Variants in SH3BGRL3 observed in about 807,000 individuals in gnomAD.
SH3BGRL3 encodes the protein SH3 domain binding glutamate rich protein like 3.
In SH3BGRL3, 8 loss-of-function variants were observed where a neutral mutation model predicts 11.9. The observed-to-expected ratio is 0.67, with a 90% CI of 0.40 to 1.22. The LOEUF is 1.22. SH3BGRL3 is among the 50% of genes most tolerant of loss of function. The pLI, the probability that SH3BGRL3 is intolerant of heterozygous loss-of-function variation, is 0.01. For missense variants in SH3BGRL3, 119 were observed against 120.1 expected, an observed-to-expected ratio of 0.99 and a Z score of 0.04; for synonymous variants, 55 against 52.3, an observed-to-expected ratio of 1.05 and a Z score of -0.22.
chr1:26,280,912 A>G lies in SH3BGRL3; in HGVS notation c.196A>G (p.Asn66Asp). 6.2e-7 allele frequency: 1 copy of G among 1,609,378 alleles called. No homozygotes were observed. Residue 66 changes from asparagine to aspartate, a missense_variant, in exon 2 of 3, where the codon AAC becomes GAC. Asn to Asp is a conservative substitution (Grantham distance 23). Transcript: ENST00000270792. ...CAAGGCCACCCCACCCCAGATTGTC[A>G]ACGGGGACCAGTACTGTGGGGTATG... ...NPKATPPQIVNGDQYCGDYEL... is the reference protein window; with the variant it reads ...NPKATPPQIVDGDQYCGDYEL...
Position 26,281,218 on chromosome 1 carries a change from C to A in SH3BGRL3, c.*95C>A. The A allele has an allele frequency of 8.2e-7, 1 of 1,218,612 alleles. No individual in the cohort carries two copies. The highest frequency in any genetic ancestry group is 1.2e-6 in the Non-Finnish European group (1 of 859,050). 75.5% of individuals were successfully genotyped at this position (1,218,612 alleles called of 1,614,324 possible). A position where few individuals can be genotyped will look rare whatever the true frequency, so the allele number is the denominator to read the frequency against. ...AAGGACCTTTTGACCAACTCCCTGTCATTCCTAACCTAACCTTAGAGTCCC... is the reference window on the plus strand; with the variant it reads ...AAGGACCTTTTGACCAACTCCCTGTAATTCCTAACCTAACCTTAGAGTCCC... On this transcript the variant is annotated 3_prime_UTR_variant, in exon 3 of 3. Transcript: ENST00000270792.
At chr1:26,280,316 G>A in intron 1 of SH3BGRL3, 113 bp downstream of exon 1, 1 of 1,234,224 alleles carries the variant, frequency 8.1e-7, no homozygotes, top group Non-Finnish European at 1.1e-6. Context: ...GGGGGAGTGC[G>A]TCGGCGAGGT....
At chr1:26,280,690 C>CT in intron 1 of SH3BGRL3, 75 bp from the exon 2 acceptor site, 2 of 1,561,948 alleles carry the variant, frequency 1.3e-6, no homozygotes. Context: ...GTCACAGCCT[C>CT]TCTCACCCTG....
In SH3BGRL3 at chr1:26,280,340, TCCCGGA is replaced by T. The variant is rs2072956624; in HGVS notation, c.48+143_48+148del. 4 of 1,081,660 alleles carry T rather than the reference TCCCGGA, an allele frequency of 3.7e-6. No homozygotes were observed. The African/African-American group carries it at 6.7e-5, about 18-fold the overall frequency. 67.0% of individuals were successfully genotyped at this position (1,081,660 alleles called of 1,614,324 possible). The stretch of plus-strand genomic sequence containing the variant: ...CGTCGGCGAGGTGCTGGGCACGGTC[TCCCGGA>T]CCCGGTCCCGAGGCCCCATCCTGAA... On this transcript the variant is annotated intron_variant, in intron 1 of 2. Coordinates refer to ENST00000270792, the MANE Select transcript of SH3BGRL3 (RefSeq NM_031286.4).
Position 26,281,128 on chromosome 1 carries a change from A to G in SH3BGRL3, c.*5A>G. On this transcript the variant is annotated 3_prime_UTR_variant, in exon 3 of 3. Coordinates refer to ENST00000270792, the MANE Select transcript of SH3BGRL3 (RefSeq NM_031286.4). Reference sequence around the variant, plus strand: ...GAGTTCCTGAAGCTGGCTTGAGTCAAGCCTGTCCAGAGTTCCCCTGCTGGA... The same window carrying G: ...GAGTTCCTGAAGCTGGCTTGAGTCAGGCCTGTCCAGAGTTCCCCTGCTGGA... 6.2e-7 allele frequency: 1 copy of G among 1,613,436 alleles called. No individual in the cohort carries two copies. Among genetic ancestry groups the G allele is most frequent in the Middle Eastern group, 1.7e-4 (1 of 6,058 alleles).
chr1:26,280,558 C>T (rs1363415709), intron 1 of SH3BGRL3, among the ~76,000 whole-genome samples: 6 of 151,512 alleles, frequency 4.0e-5, no homozygotes, highest in African/African-American at 1.5e-4. Context: ...CTGACCCCCT[C>T]CCCCGTGGCT....
chr1:26,280,459 A>C (rs2072961317), intron 1 of SH3BGRL3, among the ~76,000 whole-genome samples: 1 of 150,154 alleles, frequency 6.7e-6, no homozygotes, highest in African/African-American at 2.5e-5. Flanking sequence ...CATTCTCTGC[A>C]CTCCCACTAC....
At position 26,281,464 on chromosome 1, in the gene SH3BGRL3, G is replaced by T. The variant is rs144748018; in HGVS notation, c.*341G>T. ...CAGCCAGAGCTCTGCCAAAGGCCCC[G>T]CAGTCCCTCTCCCAGGAGGACCCTA... On this transcript the variant is annotated 3_prime_UTR_variant, in exon 3 of 3. Transcript: ENST00000270792. The T allele has an allele frequency of 1.2e-5, 3 of 256,324 alleles. No individual in the cohort carries two copies. The highest frequency in any genetic ancestry group is 6.6e-5 in the African/African-American group (3 of 45,760). The allele number at this position is 256,324 out of a possible 1,614,324, so 15.9% of individuals were successfully genotyped here. A position where few individuals can be genotyped will look rare whatever the true frequency, so the allele number is the denominator to read the frequency against.
Position 26,281,241 on chromosome 1 carries a change from C to T in SH3BGRL3, c.*118C>T. On this transcript the variant is annotated 3_prime_UTR_variant, in exon 3 of 3. Coordinates refer to ENST00000270792, the MANE Select transcript of SH3BGRL3 (RefSeq NM_031286.4). Reference sequence around the variant, plus strand: ...GTCATTCCTAACCTAACCTTAGAGTCCCTCCCCCAATGCAGGCCACTTCTC... The same window carrying T: ...GTCATTCCTAACCTAACCTTAGAGTTCCTCCCCCAATGCAGGCCACTTCTC... 1 of 950,484 alleles carries T rather than the reference C, an allele frequency of 1.1e-6. No individual in the cohort carries two copies. The highest frequency in any genetic ancestry group is 1.6e-6 in the Non-Finnish European group (1 of 630,410). 58.9% of individuals were successfully genotyped at this position (950,484 alleles called of 1,614,324 possible).
intron 1 of SH3BGRL3, 109 bp downstream of exon 1, chr1:26,280,312 G>A: frequency 7.7e-7 from 1 of 1,305,632 alleles, no homozygotes. Context: ...GGTGGGGGGA[G>A]TGCGTCGGCG....
At chr1:26,280,256 T>C (rs1302824870) in intron 1 of SH3BGRL3, 53 bp downstream of exon 1, 1 of 1,438,144 alleles carries the variant, frequency 7.0e-7, no homozygotes, top group Non-Finnish European at 9.1e-7. Context: ...TGTATCCCGG[T>C]GCTTTGGACC....
Position 26,281,474 on chromosome 1 carries a change from TC to T in SH3BGRL3, c.*354del, listed in dbSNP as rs1207029097. ...TCTGCCAAAGGCCCCGCAGTCCCTC[TC>T]CCAGGAGGACCCTAGAGGCAATTAA... On this transcript the variant is annotated 3_prime_UTR_variant, in exon 3 of 3. Transcript: ENST00000270792. The T allele has an allele frequency of 4.1e-6, 1 of 245,190 alleles. No homozygotes were observed. The highest frequency in any genetic ancestry group is 2.2e-5 in the African/African-American group (1 of 45,286). 15.2% of individuals were successfully genotyped at this position (245,190 alleles called of 1,614,324 possible).
chr1:26,280,514 C>A (rs34824071), intron 1 of SH3BGRL3, among the ~76,000 whole-genome samples: 34,539 of 149,166 alleles, frequency 0.23, 4,555 homozygotes, highest in Non-Finnish European at 0.31. Context: ...CCCCTCCCCT[C>A]CCCACCCTGA....
rs1004691425 is a variant in SH3BGRL3 at position 26,280,856 on chromosome 1, G to A, written c.140G>A (p.Arg47Lys). The A allele has an allele frequency of 6.2e-7, 1 of 1,613,878 alleles. No individual in the cohort carries two copies. Among genetic ancestry groups the A allele is most frequent in the African/African-American group, 1.3e-5 (1 of 74,892 alleles). ...LVDISQDNAL[R>K]DEMRALAGNP... Reference sequence around the variant, plus strand: ...GACATCTCCCAGGACAACGCCCTGAGGGATGAGATGCGAGCCTTGGCAGGC... The same window carrying A: ...GACATCTCCCAGGACAACGCCCTGAAGGATGAGATGCGAGCCTTGGCAGGC... The change falls in exon 2 of 3, where the codon AGG (arginine) becomes AAG (lysine). Residue 47 changes from arginine to lysine, a missense_variant. Coordinates refer to ENST00000270792, the MANE Select transcript of SH3BGRL3 (RefSeq NM_031286.4).
intron 1 of SH3BGRL3, 42 bp from the exon 2 acceptor site, chr1:26,280,723 C>A: frequency 6.2e-7 from 1 of 1,606,340 alleles, no homozygotes; most frequent in Non-Finnish European, 8.5e-7. Flanking sequence ...CCCATAAATC[C>A]TCCAGCCTAT....
Position 26,280,088 on chromosome 1 carries a change from C to A in SH3BGRL3, c.-68C>A. On this transcript the variant is annotated 5_prime_UTR_variant, in exon 1 of 3. Transcript: ENST00000270792. Reference sequence around the variant, plus strand: ...CCGCTCCCGAGCACGGCGGCGGCGTCGTCTCCCGGCAGTGCAGCTGCCGCT... The same window carrying A: ...CCGCTCCCGAGCACGGCGGCGGCGTAGTCTCCCGGCAGTGCAGCTGCCGCT... 1.3e-6 allele frequency: 2 copies of A among 1,531,440 alleles called. No homozygotes were observed. Among genetic ancestry groups the A allele is most frequent in the Non-Finnish European group, 1.8e-6 (2 of 1,132,576 alleles). The allele number at this position is 1,531,440 out of a possible 1,614,324, so 94.9% of individuals were successfully genotyped here. A position where few individuals can be genotyped will look rare whatever the true frequency, so the allele number is the denominator to read the frequency against.
Position 26,280,804 on chromosome 1 carries a change from G to A in SH3BGRL3, c.88G>A (p.Gly30Arg), listed in dbSNP as rs2072971653. 6 of 1,613,960 alleles carry A rather than the reference G, an allele frequency of 3.7e-6. No homozygotes were observed. The highest frequency in any genetic ancestry group is 4.2e-6 in the Non-Finnish European group (5 of 1,180,036). Residue 30 changes from glycine to arginine, a missense_variant, in exon 2 of 3, where the codon GGG (glycine) becomes AGG (arginine). Physicochemically the swap from Gly to Arg is moderately radical, Grantham distance 125. Coordinates refer to ENST00000270792, the MANE Select transcript of SH3BGRL3 (RefSeq NM_031286.4). ...QQSEVTRILD[G>R]KRIQYQLVDI... is the part of the protein sequence containing the mutation. ...GAGCGAGGTGACCCGAATCCTGGAT[G>A]GGAAGCGCATCCAATACCAGCTAGT... is the stretch of plus-strand genomic sequence containing the variant.
rs1325067624 is a variant in SH3BGRL3 at position 26,281,173 on chromosome 1, C to A, written c.*50C>A. Reference sequence around the variant, plus strand: ...GCTGGACTCCATCACCACACTCCCCCCAGCCTTCACCTGGCCATGAAGGAC... The same window carrying A: ...GCTGGACTCCATCACCACACTCCCCACAGCCTTCACCTGGCCATGAAGGAC... On this transcript the variant is annotated 3_prime_UTR_variant, in exon 3 of 3. Transcript: ENST00000270792. 2 of 1,569,064 alleles carry A rather than the reference C, an allele frequency of 1.3e-6. No homozygotes were observed. Among genetic ancestry groups the A allele is most frequent in the Non-Finnish European group, 1.7e-6 (2 of 1,147,480 alleles).
At chr1:26,280,373 G>A (rs896584137) in intron 1 of SH3BGRL3, among the ~76,000 whole-genome samples, 170 bp downstream of exon 1, 1 of 152,050 alleles carries the variant, frequency 6.6e-6, no homozygotes, top group African/African-American at 2.4e-5. Context: ...CATCCTGAAT[G>A]TCTTCATCGG....
Sources: allele counts gnomAD v4.1 joint callset (sites outside exome capture counted in the v4.1 genomes callset), GRCh38; gene constraint gnomAD v4.1.1; transcripts MANE v1.5; gene names NCBI Gene and HGNC (gene_info 2026-07-23, HGNC 2026-07-21).